CALD1: variants seen among roughly 807,000 people sequenced by gnomAD.
CALD1 encodes the protein caldesmon 1, also known as caldesmon.
CALD1 carries 33 observed loss-of-function variants against 99.9 expected under a neutral mutation model. The ratio of observed to expected loss-of-function variants is 0.33; its 90% CI spans 0.25 to 0.44. The LOEUF is 0.44. CALD1 is among the 20% of genes least tolerant of loss of function. CALD1 has a pLI of 1.00. For missense variants in CALD1, 861 were observed against 962.1 expected, an observed-to-expected ratio of 0.89 and a Z score of 1.39; for synonymous variants, 310 against 325.0, an observed-to-expected ratio of 0.95 and a Z score of 0.50.
chr7:134,826,134 C>A (rs1798982385), intron 1 of CALD1, among the ~76,000 whole-genome samples: 1 of 152,074 alleles, frequency 6.6e-6, no homozygotes, highest in African/African-American at 2.4e-5. Flanking sequence ...ACAAAACTAG[C>A]ATTTTTAAAT....
At chr7:134,917,531 G>C (rs1586299416) in intron 3 of CALD1, among the ~76,000 whole-genome samples, 1 of 151,986 alleles carries the variant, frequency 6.6e-6, no homozygotes, top group Non-Finnish European at 1.5e-5. Context: ...TGTATTTTTA[G>C]TAGAGACGGA....
chr7:134,880,778 C>A (rs932886501), intron 3 of CALD1, among the ~76,000 whole-genome samples: 2 of 152,176 alleles, frequency 1.3e-5, no homozygotes, highest in South Asian at 4.1e-4. Context: ...CCTGCTACTA[C>A]CTTTTAAGAT....
intron 1 of CALD1, among the ~76,000 whole-genome samples, chr7:134,767,449 G>A (rs1357664965): frequency 1.3e-5 from 2 of 152,202 alleles, no homozygotes; most frequent in African/African-American, 4.8e-5. Context: ...CAAAGCTACA[G>A]AACCTCACCC....
chr7:134,787,457 G>A (rs976135389), intron 1 of CALD1, among the ~76,000 whole-genome samples: 2 of 152,192 alleles, frequency 1.3e-5, no homozygotes, highest in Non-Finnish European at 2.9e-5. Flanking sequence ...AAAAGCTGAA[G>A]ATGTTTTTCT....
the CALD1 span, among the ~76,000 whole-genome samples, chr7:134,724,715 GT>G: frequency 6.6e-6 from 1 of 152,190 alleles, no homozygotes; most frequent in East Asian, 1.9e-4. Flanking sequence ...TTAAGCCTCA[GT>G]TTCATTGCTT....
intron 3 of CALD1, among the ~76,000 whole-genome samples, chr7:134,924,431 C>T (rs1466189700): frequency 1.3e-5 from 2 of 151,966 alleles, no homozygotes; most frequent in African/African-American, 4.8e-5. Context: ...GGGAAGCTCA[C>T]CATGAGGGAG....
upstream of CALD1, among the ~76,000 whole-genome samples, chr7:134,741,367 C>A (rs1029155482): frequency 1.3e-5 from 2 of 152,134 alleles, no homozygotes; most frequent in Non-Finnish European, 2.9e-5. Context: ...ATGGAGGTAA[C>A]CACCCCCATT....
At chr7:134,950,286 C>G in intron 8 of CALD1, 88 bp from the exon 9 acceptor site, 1 of 1,361,660 alleles carries the variant, frequency 7.3e-7, no homozygotes, top group Non-Finnish European at 1.0e-6. Flanking sequence ...TCTGCTGCCT[C>G]TCCAACTGTG....
intron 3 of CALD1, among the ~76,000 whole-genome samples, chr7:134,872,566 CAA>C (rs1801148355): frequency 1.3e-5 from 2 of 152,046 alleles, no homozygotes; most frequent in Admixed American, 1.3e-4. Context: ...CTACAAAATG[CAA>C]GATACTATAC....
the CALD1 span, among the ~76,000 whole-genome samples, chr7:134,718,019 G>A: frequency 6.6e-6 from 1 of 152,134 alleles, no homozygotes; most frequent in African/African-American, 2.4e-5. Context: ...CTTCCAGAAG[G>A]TAGAATTTTC....
chr7:134,962,113 A>G (rs577467456), intron 13 of CALD1: 9 of 152,248 alleles, frequency 5.9e-5, no homozygotes, highest in African/African-American at 2.2e-4. Context: ...TAATTTTTGC[A>G]CGTTTATGAT....
At chr7:134,745,994 T>G (rs913063540) in intron 1 of CALD1, among the ~76,000 whole-genome samples, 1 of 152,196 alleles carries the variant, frequency 6.6e-6, no homozygotes, top group African/African-American at 2.4e-5. Context: ...GCCACTGCTA[T>G]TAGTTCATGT....
chr7:134,759,351 T>C (rs1322686547), intron 1 of CALD1, among the ~76,000 whole-genome samples: 2 of 152,170 alleles, frequency 1.3e-5, no homozygotes, highest in African/African-American at 2.4e-5. Flanking sequence ...TGAGCACAAT[T>C]ACATTGGAAG....
intron 1 of CALD1, among the ~76,000 whole-genome samples, chr7:134,796,872 C>T (rs2167752): frequency 0.25 from 38,676 of 152,126 alleles, 6,428 homozygotes; most frequent in East Asian, 0.65. Flanking sequence ...AGGCATGAGC[C>T]ACCACACTGG....
At chr7:134,730,500 ACC>A in the CALD1 span, among the ~76,000 whole-genome samples, 1 of 152,108 alleles carries the variant, frequency 6.6e-6, no homozygotes, top group Non-Finnish European at 1.5e-5. Flanking sequence ...TAATGCAAGC[ACC>A]ACACTGTGGT....
At chr7:134,826,366 C>G (rs1798995481) in intron 1 of CALD1, among the ~76,000 whole-genome samples, 1 of 152,142 alleles carries the variant, frequency 6.6e-6, no homozygotes, top group African/African-American at 2.4e-5. Context: ...CTCACACCTC[C>G]TTTCTAGTTA....
At chr7:134,918,739 G>A (rs1356875701) in intron 3 of CALD1, among the ~76,000 whole-genome samples, 2 of 152,230 alleles carry the variant, frequency 1.3e-5, no homozygotes, top group African/African-American at 4.8e-5. Context: ...GCTCACGCCT[G>A]TAACCCAGAA....
At chr7:134,809,419 A>G (rs767308853) in intron 1 of CALD1, among the ~76,000 whole-genome samples, 2 of 152,176 alleles carry the variant, frequency 1.3e-5, no homozygotes, top group Admixed American at 6.5e-5. Context: ...CCATTTCCTC[A>G]TCCATTAAAA....
At chr7:134,768,909 A>C (rs1246234689) in intron 1 of CALD1, among the ~76,000 whole-genome samples, 2 of 152,084 alleles carry the variant, frequency 1.3e-5, no homozygotes, top group Non-Finnish European at 2.9e-5. Flanking sequence ...TCTCATATGC[A>C]TTCTTAAATG....
Sources: allele counts gnomAD v4.1 joint callset (sites outside exome capture counted in the v4.1 genomes callset), GRCh38; gene constraint gnomAD v4.1.1; transcripts MANE v1.5; gene names NCBI Gene and HGNC (gene_info 2026-07-23, HGNC 2026-07-21).